KIAA0753: variants seen among roughly 807,000 people sequenced by gnomAD.
The protein encoded by KIAA0753 is KIAA0753, also known as protein moonraker.
Under a neutral mutation model 116.9 loss-of-function variants are expected in KIAA0753, and 114 were observed. That is an observed-to-expected ratio of 0.98 (90% confidence interval 0.84 to 1.14). The LOEUF is 1.14. KIAA0753 is among the 50% of genes most tolerant of loss of function. The pLI, the probability that KIAA0753 is intolerant of heterozygous loss-of-function variation, is 0.00. For missense variants in KIAA0753, 1,156 were observed against 1,172.4 expected (o/e 0.99, Z 0.20); for synonymous variants, 405 against 413.1 (o/e 0.98, Z 0.24).
chr17:6,591,648 TG>T (rs1969072296), intron 16 of KIAA0753, among the ~76,000 whole-genome samples: 1 of 152,220 alleles, frequency 6.6e-6, no homozygotes, highest in South Asian at 2.1e-4. Flanking sequence ...TCACAGATAG[TG>T]ACTAATAATT....
chr17:6,595,283 C>A (rs1969386102), intron 15 of KIAA0753, among the ~76,000 whole-genome samples: 1 of 152,208 alleles, frequency 6.6e-6, no homozygotes, highest in Non-Finnish European at 1.5e-5. Flanking sequence ...GAAGCTGCTG[C>A]AGTGAGGAAA....
chr17:6,608,969 T>C (rs563305504), intron 9 of KIAA0753, among the ~76,000 whole-genome samples: 1 of 152,314 alleles, frequency 6.6e-6, no homozygotes, highest in South Asian at 2.1e-4. Flanking sequence ...TTAATACTTG[T>C]ATACAAAAAT....
intron 2 of KIAA0753, among the ~76,000 whole-genome samples, chr17:6,630,029 C>T (rs1338227370): frequency 6.6e-6 from 1 of 151,958 alleles, no homozygotes; most frequent in Non-Finnish European, 1.5e-5. Context: ...GGCTGAGACA[C>T]AAGAATCGCT....
chr17:6,585,398 C>T (rs1597455736), intron 18 of KIAA0753, among the ~76,000 whole-genome samples: 1 of 152,294 alleles, frequency 6.6e-6, no homozygotes, highest in East Asian at 1.9e-4. Flanking sequence ...ACTGATGAAC[C>T]CTTTCAATCT....
chr17:6,606,664 A>G (rs937646486), intron 12 of KIAA0753, among the ~76,000 whole-genome samples: 2 of 152,182 alleles, frequency 1.3e-5, no homozygotes, highest in Non-Finnish European at 2.9e-5. Context: ...CTCTACAATT[A>G]CAGATTTTTT....
intron 18 of KIAA0753, among the ~76,000 whole-genome samples, chr17:6,587,276 A>T (rs555856240): frequency 1.4e-3 from 220 of 152,336 alleles, no homozygotes; most frequent in African/African-American, 5.1e-3. Flanking sequence ...GATAAAAATG[A>T]AACAGAGCTA....
At position 6,584,286 on chromosome 17, in the gene KIAA0753, A is replaced by G. The variant is rs182665206; in HGVS notation, c.2787-4422T>C. ...TCTGTCTTCTCCAGGACCCTGGCCC[A>G]GTTATTCTTCATTACCTAGTTAACT... On this transcript the variant is annotated intron_variant, in intron 18 of 18. Coordinates refer to ENST00000361413, the MANE Select transcript of KIAA0753 (RefSeq NM_014804.3). Among the ~76,000 whole-genome samples, 243 of 152,322 alleles carry G rather than the reference A, an allele frequency of 1.6e-3. 1 individual carries two copies. The highest frequency in any genetic ancestry group is 0.012 in the East Asian group (63 of 5,186).
At position 6,606,936 on chromosome 17, in the gene KIAA0753, G is replaced by C. The variant is rs768711157; in HGVS notation, c.1946C>G (p.Ser649Cys). 1 of 1,614,054 alleles carries C rather than the reference G, an allele frequency of 6.2e-7. No homozygotes were observed. Among genetic ancestry groups the C allele is most frequent in the Admixed American group, 1.7e-5 (1 of 60,012 alleles). The change falls in exon 12 of 19, where the codon TCT becomes TGT. Residue 649 changes from serine (S) to cysteine (C), a missense_variant. Transcript: ENST00000361413. ...QRLDWLDAET[S>C]RRTKELNELK... is the part of the protein sequence containing the mutation. ...CTCATTCAGTTCCTTTGTTCTTCTAGAAGTTTCAGCATCAAGCCAATCAAG... is the reference window on the plus strand; with the variant it reads ...CTCATTCAGTTCCTTTGTTCTTCTACAAGTTTCAGCATCAAGCCAATCAAG...
In KIAA0753 at chr17:6,628,457, A is replaced by G; in HGVS notation, c.378T>C (p.Pro126=). The part of the protein sequence containing the change: ...HIKEHHLRSQ[P]QSSQKCGHTK... The stretch of plus-strand genomic sequence containing the variant: ...TATGTCCACACTTCTGAGAGCTTTG[A>G]GGCTGACTTCTGAGATGATGTTCTT... Residue 126 remains proline, a synonymous_variant, in exon 3 of 19, where the codon CCT becomes CCC. Coordinates refer to ENST00000361413, the MANE Select transcript of KIAA0753 (RefSeq NM_014804.3). The G allele has an allele frequency of 1.2e-6, 2 of 1,614,196 alleles. No individual in the cohort carries two copies. Among genetic ancestry groups the G allele is most frequent in the Non-Finnish European group, 1.7e-6 (2 of 1,180,036 alleles).
At chr17:6,620,335 C>A (rs1016165462) in intron 7 of KIAA0753, among the ~76,000 whole-genome samples, 1 of 151,674 alleles carries the variant, frequency 6.6e-6, no homozygotes, top group African/African-American at 2.4e-5. Context: ...GGCAAGTTGG[C>A]AGTATCTGTT....
Position 6,635,143 on chromosome 17 carries a change from T to G in KIAA0753, c.-40A>C. 1 of 1,427,204 alleles carries G rather than the reference T, an allele frequency of 7.0e-7. No homozygotes were observed. Among genetic ancestry groups the G allele is most frequent in the South Asian group, 1.1e-5 (1 of 87,354 alleles). 88.4% of individuals were successfully genotyped at this position (1,427,204 alleles called of 1,614,324 possible). ...CAGAACAATAGTGACAGCCTTGTCA[T>G]CCGGCAACAGTCTTCCCTAAAACCA... On this transcript the variant is annotated 5_prime_UTR_variant, in exon 2 of 19. The change abolishes an upstream ATG in the 5' untranslated region. Coordinates refer to ENST00000361413, the MANE Select transcript of KIAA0753 (RefSeq NM_014804.3).
In KIAA0753 at chr17:6,628,641, G is replaced by A. The variant is rs1971831900; in HGVS notation, c.194C>T (p.Ser65Leu). The A allele has an allele frequency of 6.2e-7, 1 of 1,614,016 alleles. No individual in the cohort carries two copies. Among genetic ancestry groups the A allele is most frequent in the Non-Finnish European group, 8.5e-7 (1 of 1,179,902 alleles). ...HAIRIEKLKH[S>L]YNESYHCKDA... ...TTTACAATGGTATGATTCATTGTAT[G>A]AGTGCTTCAGTTTTTCAATTCTAAT... The change falls in exon 3 of 19, where the codon TCA (serine) becomes TTA (leucine). Residue 65 changes from serine to leucine, a missense_variant. Coordinates refer to ENST00000361413, the MANE Select transcript of KIAA0753 (RefSeq NM_014804.3).
chr17:6,613,214 A>C (rs1970669334), intron 7 of KIAA0753, among the ~76,000 whole-genome samples: 1 of 152,208 alleles, frequency 6.6e-6, no homozygotes. Context: ...ACTACAAGGC[A>C]CGTTGGAAGA....
At chr17:6,625,644 G>T (rs180680917) in intron 3 of KIAA0753, among the ~76,000 whole-genome samples, 11 of 151,452 alleles carry the variant, frequency 7.3e-5, no homozygotes, top group Non-Finnish European at 1.2e-4. Context: ...TCCAGCCTGG[G>T]TGACAAAATG....
chr17:6,606,828 G>T (rs147775225), intron 12 of KIAA0753, 45 bp downstream of exon 12: 1 of 1,528,752 alleles, frequency 6.5e-7, no homozygotes, highest in Non-Finnish European at 9.1e-7. Flanking sequence ...AGATCAATTA[G>T]AACAGGCAAA....
At chr17:6,627,839 T>C (rs1483526467) in intron 3 of KIAA0753, among the ~76,000 whole-genome samples, 1 of 152,238 alleles carries the variant, frequency 6.6e-6, no homozygotes, top group East Asian at 1.9e-4. Context: ...CCAACATTAA[T>C]GCCACCTCGT....
At chr17:6,616,104 G>A (rs913552292) in intron 7 of KIAA0753, among the ~76,000 whole-genome samples, 2 of 152,046 alleles carry the variant, frequency 1.3e-5, no homozygotes, top group Non-Finnish European at 2.9e-5. Context: ...TCCAGATAAG[G>A]ACAAGAAAAA....
intron 8 of KIAA0753, among the ~76,000 whole-genome samples, chr17:6,610,927 C>T (rs1036677716): frequency 6.6e-6 from 1 of 152,140 alleles, no homozygotes; most frequent in African/African-American, 2.4e-5. Context: ...GATTCATGGT[C>T]GCCCCCTGCC....
intron 12 of KIAA0753, among the ~76,000 whole-genome samples, chr17:6,601,298 A>G (rs144923125): frequency 1.3e-5 from 2 of 152,318 alleles, no homozygotes; most frequent in Non-Finnish European, 2.9e-5. Context: ...CTGATGGCTC[A>G]TTCTCTGTGT....
Sources: allele counts gnomAD v4.1 joint callset (sites outside exome capture counted in the v4.1 genomes callset), GRCh38; gene constraint gnomAD v4.1.1; transcripts MANE v1.5; gene names NCBI Gene and HGNC (gene_info 2026-07-23, HGNC 2026-07-21).